The following CAMK1D variants were observed in gnomAD, a reference collection of about 807,000 sequenced individuals.
CAMK1D encodes calcium/calmodulin dependent protein kinase ID.
Under a neutral mutation model 47.7 loss-of-function variants are expected in CAMK1D, and 9 were observed. The observed-to-expected ratio is 0.19, with a 90% confidence interval of 0.11 to 0.33. CAMK1D has a LOEUF of 0.33. Among genes scored for constraint, CAMK1D ranks in the 10% least tolerant of loss-of-function variants. The probability of loss-of-function intolerance (pLI) is 1.00; values close to 1 mark genes in which losing one functional copy is unlikely to be tolerated. For synonymous variants in CAMK1D, 184 were observed against 184.9 expected (o/e 0.99, Z 0.04); for missense variants, 291 against 488.7 (o/e 0.60, Z 3.81).
Position 12,584,245 on chromosome 10 carries a change from A to C in CAMK1D, c.224+30889A>C, listed in dbSNP as rs933301895. Among the ~76,000 whole-genome samples, 4 of 152,332 alleles carry C rather than the reference A, an allele frequency of 2.6e-5. No individual in the cohort carries two copies. The South Asian group carries it at 6.2e-4, about 24-fold the overall frequency. On this transcript the variant is annotated intron_variant, in intron 2 of 10. Coordinates refer to ENST00000619168, the MANE Select transcript of CAMK1D (RefSeq NM_153498.4). ...AAGTAGCAATACATTTTAAGGGATA[A>C]TTAAGGATAAGTAAAATGTGATTCT... is the stretch of plus-strand genomic sequence containing the variant.
chr10:12,530,396 A>G (rs574824189), intron 1 of CAMK1D, among the ~76,000 whole-genome samples: 6 of 152,188 alleles, frequency 3.9e-5, no homozygotes, highest in Non-Finnish European at 8.8e-5. Context: ...TCTGGGCCTC[A>G]GTTTCCTTTT....
Position 12,541,510 on chromosome 10 carries a change from T to C in CAMK1D, c.93-11715T>C, listed in dbSNP as rs1010659820. On this transcript the variant is annotated intron_variant, in intron 1 of 10. Transcript: ENST00000619168. ...TCCTGAGTAGCTGGGATTACAGGCGTGTGCCACCACGCCTGGCTAATTTTT... is the reference window on the plus strand; with the variant it reads ...TCCTGAGTAGCTGGGATTACAGGCGCGTGCCACCACGCCTGGCTAATTTTT... 1.7e-4 allele frequency among the ~76,000 whole-genome samples: 26 copies of C among 152,202 alleles called. 1 individual carries two copies. Among genetic ancestry groups the C allele is most frequent in the African/African-American group, 5.8e-4 (24 of 41,540 alleles).
At chr10:12,384,354 G>A (rs1838429321) in intron 1 of CAMK1D, among the ~76,000 whole-genome samples, 1 of 152,134 alleles carries the variant, frequency 6.6e-6, no homozygotes, top group African/African-American at 2.4e-5. Context: ...CTGAGATGGT[G>A]ATCCTAAAAT....
chr10:12,516,012 C>T (rs1835200442), intron 1 of CAMK1D, among the ~76,000 whole-genome samples: 1 of 152,172 alleles, frequency 6.6e-6, no homozygotes, highest in Admixed American at 6.5e-5. Flanking sequence ...CATGTATCAA[C>T]AGTCTGTTCC....
At chr10:12,572,255 T>C (rs937727451) in intron 2 of CAMK1D, among the ~76,000 whole-genome samples, 1 of 152,044 alleles carries the variant, frequency 6.6e-6, no homozygotes, top group African/African-American at 2.4e-5. Flanking sequence ...TGGAGGTGTT[T>C]CCCCCATGCT....
At chr10:12,578,396 C>A (rs1588654523) in intron 2 of CAMK1D, among the ~76,000 whole-genome samples, 1 of 151,938 alleles carries the variant, frequency 6.6e-6, no homozygotes, top group Non-Finnish European at 1.5e-5. Flanking sequence ...CATGGAGAAA[C>A]CCCGTCTCTA....
intron 2 of CAMK1D, among the ~76,000 whole-genome samples, chr10:12,649,784 C>T (rs1329905038): frequency 6.6e-6 from 1 of 152,180 alleles, no homozygotes; most frequent in Non-Finnish European, 1.5e-5. Context: ...AAGGAAATCT[C>T]GACATTTACA....
intron 3 of CAMK1D, among the ~76,000 whole-genome samples, chr10:12,668,768 G>C (rs1266092444): frequency 6.6e-6 from 1 of 151,998 alleles, no homozygotes; most frequent in East Asian, 1.9e-4. Context: ...AAAAGTTATC[G>C]CAAATATGGG....
At chr10:12,740,602 G>GA (rs201807783) in intron 3 of CAMK1D, among the ~76,000 whole-genome samples, 2,105 of 150,190 alleles carry the variant, frequency 0.014, 20 homozygotes, top group Admixed American at 0.032. Flanking sequence ...CATCTCAAAA[G>GA]AAAAAAAAAG....
At chr10:12,774,746 C>A (rs994929639) in intron 5 of CAMK1D, among the ~76,000 whole-genome samples, 7 of 152,206 alleles carry the variant, frequency 4.6e-5, no homozygotes, top group Non-Finnish European at 8.8e-5. Flanking sequence ...AGATCAGCAG[C>A]AGTAGATTCT....
At chr10:12,607,172 C>T (rs748288486) in intron 2 of CAMK1D, among the ~76,000 whole-genome samples, 23 of 152,176 alleles carry the variant, frequency 1.5e-4, no homozygotes, top group Non-Finnish European at 3.1e-4. Flanking sequence ...CTCGTCCATA[C>T]GTGCAGCCAC....
intron 3 of CAMK1D, among the ~76,000 whole-genome samples, chr10:12,753,558 C>T (rs1306052849): frequency 2.0e-5 from 3 of 152,208 alleles, no homozygotes; most frequent in Non-Finnish European, 4.4e-5. Context: ...CAAATACCAT[C>T]CACCCCGTGT....
chr10:12,456,520 C>T (rs553094155), intron 1 of CAMK1D: 31 of 152,170 alleles, frequency 2.0e-4, no homozygotes, highest in African/African-American at 6.0e-4. Context: ...TAACAGTCCC[C>T]GTGACAAGAA....
intron 1 of CAMK1D, among the ~76,000 whole-genome samples, chr10:12,440,017 T>C (rs1832740879): frequency 6.6e-6 from 1 of 152,190 alleles, no homozygotes; most frequent in Non-Finnish European, 1.5e-5. Flanking sequence ...ACCCCGTGAT[T>C]CAGTGAACTC....
At chr10:12,427,700 G>GTTTTTTGTTTTTTTTTTTTT (rs1840284197) in intron 1 of CAMK1D, among the ~76,000 whole-genome samples, 14 of 31,038 alleles carry the variant, frequency 4.5e-4, no homozygotes, top group Admixed American at 9.9e-4. Flanking sequence ...TGAACTTACT[G>GTTTTTTGTTTTTTTTTTTTT]TTTTTTTTTT....
chr10:12,624,298 C>T (rs1409195319), intron 2 of CAMK1D, among the ~76,000 whole-genome samples: 1 of 151,986 alleles, frequency 6.6e-6, no homozygotes, highest in Non-Finnish European at 1.5e-5. Context: ...TTTAGATGTG[C>T]AATACATTAT....
intron 6 of CAMK1D, among the ~76,000 whole-genome samples, chr10:12,804,066 T>C (rs1371951161): frequency 1.3e-5 from 2 of 152,154 alleles, no homozygotes; most frequent in African/African-American, 4.8e-5. Context: ...GAAGTTTCCT[T>C]GTGTTCATTC....
intron 5 of CAMK1D, among the ~76,000 whole-genome samples, chr10:12,774,347 G>A (rs1837178804): frequency 6.6e-6 from 1 of 152,080 alleles, no homozygotes. Flanking sequence ...ATAGGAGCGA[G>A]AGAACCGACC....
intron 3 of CAMK1D, among the ~76,000 whole-genome samples, chr10:12,669,099 G>A (rs1028716928): frequency 6.6e-6 from 1 of 152,112 alleles, no homozygotes; most frequent in African/African-American, 2.4e-5. Context: ...GGGCATGGTG[G>A]TGGGCACCTG....
Sources: gnomAD v4.1 joint callset for allele counts (sites outside exome capture counted in the v4.1 genomes callset) on GRCh38, gnomAD v4.1.1 for gene constraint, MANE v1.5 for transcripts, NCBI Gene and HGNC (gene_info 2026-07-23, HGNC 2026-07-21) for gene names.